THSD4: variants seen among roughly 807,000 people sequenced by gnomAD.
THSD4 encodes the protein thrombospondin type 1 domain containing 4.
In THSD4, 69 loss-of-function variants were observed where a neutral mutation model predicts 119.0. The ratio of observed to expected loss-of-function variants is 0.58; its 90% confidence interval spans 0.48 to 0.71. THSD4 has a LOEUF of 0.71. Ranked by LOEUF, THSD4 falls within the 30% of genes least tolerant of loss-of-function variation. The pLI is 0.00. For synonymous variants in THSD4, 524 were observed against 540.4 expected, an observed-to-expected ratio of 0.97 and a Z score of 0.42; for missense variants, 1,393 against 1,391.1, an observed-to-expected ratio of 1.00 and a Z score of -0.02.
At chr15:71,344,129 C>G (rs1390237304) in intron 6 of THSD4, among the ~76,000 whole-genome samples, 2 of 151,304 alleles carry the variant, frequency 1.3e-5, no homozygotes. Flanking sequence ...AGCTCCGCCT[C>G]CCAGGTTCAC....
intron 7 of THSD4, among the ~76,000 whole-genome samples, chr15:71,436,867 G>T (rs758592125): frequency 6.6e-6 from 1 of 152,150 alleles, no homozygotes; most frequent in Non-Finnish European, 1.5e-5. Flanking sequence ...TGGAGAACAC[G>T]CAGTGACCTG....
intron 6 of THSD4, among the ~76,000 whole-genome samples, chr15:71,347,496 T>C (rs2140400100): frequency 6.6e-6 from 1 of 152,332 alleles, no homozygotes; most frequent in South Asian, 2.1e-4. Context: ...CTACTTTCTA[T>C]CTATATACAT....
intron 7 of THSD4, among the ~76,000 whole-genome samples, chr15:71,572,431 C>T (rs974626122): frequency 2.5e-4 from 38 of 152,140 alleles, no homozygotes; most frequent in African/African-American, 8.7e-4. Context: ...AAGGTAGCCA[C>T]TTACACAGTA....
intron 7 of THSD4, among the ~76,000 whole-genome samples, chr15:71,452,841 C>T (rs776722235): frequency 6.6e-5 from 10 of 152,158 alleles, no homozygotes; most frequent in Non-Finnish European, 1.3e-4. Flanking sequence ...TCTTGAACTC[C>T]TGATCTCAGG....
chr15:71,222,646 A>T (rs1159661806), intron 4 of THSD4, among the ~76,000 whole-genome samples: 1 of 152,178 alleles, frequency 6.6e-6, no homozygotes, highest in African/African-American at 2.4e-5. Flanking sequence ...TGGGCTTCCC[A>T]GAACTTCCCA....
chr15:71,306,122 A>T (rs570563296), intron 6 of THSD4, among the ~76,000 whole-genome samples: 3 of 152,072 alleles, frequency 2.0e-5, no homozygotes, highest in Non-Finnish European at 2.9e-5. Flanking sequence ...CCTGGCCAAC[A>T]TGGCGAAACC....
At chr15:71,229,715 G>A (rs1009103453) in intron 4 of THSD4, among the ~76,000 whole-genome samples, 1 of 152,150 alleles carries the variant, frequency 6.6e-6, no homozygotes. Context: ...AGGTAAACTC[G>A]AGTAGAGATC....
intron 14 of THSD4, among the ~76,000 whole-genome samples, chr15:71,756,488 T>G (rs1404266217): frequency 2.0e-5 from 3 of 152,060 alleles, no homozygotes; most frequent in Non-Finnish European, 4.4e-5. Context: ...CCAAAAATGT[T>G]TGAAAAGATA....
At chr15:71,380,218 T>G (rs1002204430) in intron 6 of THSD4, among the ~76,000 whole-genome samples, 13 of 152,126 alleles carry the variant, frequency 8.5e-5, no homozygotes, top group African/African-American at 2.9e-4. Flanking sequence ...ATTTAACAAT[T>G]CCCTTCTTCT....
intron 7 of THSD4, 98 bp downstream of exon 7, chr15:71,411,921 C>A (rs886513348): frequency 1.0e-5 from 15 of 1,498,314 alleles, no homozygotes; most frequent in African/African-American, 2.7e-5. Context: ...TAGCTCCCCC[C>A]AGCCCACGTC....
intron 6 of THSD4, among the ~76,000 whole-genome samples, chr15:71,302,100 C>A (rs2044958051): frequency 6.6e-6 from 1 of 152,194 alleles, no homozygotes; most frequent in Admixed American, 6.5e-5. Context: ...CATGCTCAAA[C>A]CCAGAAACGC....
intron 7 of THSD4, among the ~76,000 whole-genome samples, chr15:71,578,959 T>C (rs1243941014): frequency 6.6e-6 from 1 of 151,044 alleles, no homozygotes; most frequent in Non-Finnish European, 1.5e-5. Context: ...TTCTCCTGCC[T>C]CAGCCTCCCG....
At chr15:71,261,596 G>A (rs534338498) in intron 6 of THSD4, among the ~76,000 whole-genome samples, 14 of 152,204 alleles carry the variant, frequency 9.2e-5, no homozygotes, top group African/African-American at 2.6e-4. Context: ...TGGGGGATGG[G>A]GTACTTGGGT....
intron 6 of THSD4, among the ~76,000 whole-genome samples, chr15:71,295,251 T>C (rs1279983265): frequency 1.3e-5 from 2 of 151,914 alleles, no homozygotes; most frequent in African/African-American, 4.8e-5. Flanking sequence ...ACCAGATGAG[T>C]CCCTAGGAAG....
chr15:71,671,228 T>A (rs1423619289), intron 8 of THSD4, among the ~76,000 whole-genome samples: 1 of 152,244 alleles, frequency 6.6e-6, no homozygotes, highest in Non-Finnish European at 1.5e-5. Flanking sequence ...ATTTCTCTGA[T>A]GGCCAGTGAT....
At chr15:71,155,038 CTGAAAGGAAGCACCATTTACAGAA>C in intron 3 of THSD4, 106 bp downstream of exon 3, 1 of 1,037,800 alleles carries the variant, frequency 9.6e-7, no homozygotes, top group Non-Finnish European at 1.5e-6. Context: ...ACCACTGATC[CTGAAAGGAAGCACCATTTACAGAA>C]TATGGAGTGT....
intron 7 of THSD4, among the ~76,000 whole-genome samples, chr15:71,498,693 T>C (rs1452546047): frequency 1.3e-5 from 2 of 151,940 alleles, no homozygotes; most frequent in Admixed American, 1.3e-4. Flanking sequence ...AAGTTAATCT[T>C]TTTTTTGTTT....
intron 8 of THSD4, among the ~76,000 whole-genome samples, chr15:71,712,120 G>C (rs1326110073): frequency 4.6e-5 from 7 of 152,086 alleles, no homozygotes; most frequent in Non-Finnish European, 8.8e-5. Context: ...CCATAAAACA[G>C]ACTTTAAAAT....
At chr15:71,344,392 T>C (rs1188360409) in intron 6 of THSD4, among the ~76,000 whole-genome samples, 1 of 152,000 alleles carries the variant, frequency 6.6e-6, no homozygotes, top group African/African-American at 2.4e-5. Flanking sequence ...CCAAATAAGG[T>C]GATATGTGCA....
Sources: allele counts gnomAD v4.1 joint callset (sites outside exome capture counted in the v4.1 genomes callset), GRCh38; gene constraint gnomAD v4.1.1; transcripts MANE v1.5; gene names NCBI Gene and HGNC (gene_info 2026-07-23, HGNC 2026-07-21).